XRCC4: variants seen among roughly 807,000 people sequenced by gnomAD.
XRCC4 encodes the protein DNA repair protein XRCC4.
In XRCC4, 28 loss-of-function variants were observed where a neutral mutation model predicts 39.1. The ratio of observed to expected loss-of-function variants is 0.72; its 90% CI spans 0.53 to 0.98. XRCC4 has a LOEUF of 0.98. Among genes scored for constraint, XRCC4 ranks in the 50% least tolerant of loss-of-function variants. The probability of loss-of-function intolerance (pLI) is 0.00; values close to 1 mark genes in which losing one functional copy is unlikely to be tolerated. For synonymous variants in XRCC4, 123 were observed against 126.4 expected (o/e 0.97, Z 0.18); for missense variants, 350 against 376.4 (o/e 0.93, Z 0.58).
chr5:83,244,305 G>A (rs939850973), intron 6 of XRCC4, among the ~76,000 whole-genome samples: 11 of 152,136 alleles, frequency 7.2e-5, no homozygotes, highest in Admixed American at 2.6e-4. Context: ...AGATCATTGA[G>A]TTTTGTTCTG....
At chr5:83,318,021 T>A (rs1426073074) in intron 7 of XRCC4, among the ~76,000 whole-genome samples, 1 of 130,210 alleles carries the variant, frequency 7.7e-6, no homozygotes. Context: ...CAAGTGGGCT[T>A]CATCCCTGGG....
At chr5:83,241,534 A>G (rs994325491) in intron 6 of XRCC4, among the ~76,000 whole-genome samples, 13 of 152,100 alleles carry the variant, frequency 8.5e-5, no homozygotes, top group Non-Finnish European at 1.6e-4. Context: ...CAAAAGTGTC[A>G]TATACTCTAG....
At chr5:83,170,520 C>G (rs998757239) in intron 3 of XRCC4, among the ~76,000 whole-genome samples, 12 of 152,158 alleles carry the variant, frequency 7.9e-5, no homozygotes, top group African/African-American at 2.9e-4. Flanking sequence ...GGCTCCGGTT[C>G]TCTTCCAAGC....
At chr5:83,217,000 TA>T (rs535197147) in intron 6 of XRCC4, among the ~76,000 whole-genome samples, 403 of 146,314 alleles carry the variant, frequency 2.8e-3, no homozygotes, top group Non-Finnish European at 4.4e-3. Context: ...AGTTTCTTTC[TA>T]AAAAAAAAAA....
chr5:83,350,111 G>A (rs532159506), intron 7 of XRCC4, among the ~76,000 whole-genome samples: 1 of 152,136 alleles, frequency 6.6e-6, no homozygotes, highest in African/African-American at 2.4e-5. Context: ...TTTGGTGGCT[G>A]TGTAGTATTC....
At chr5:83,298,630 C>G (rs1272268226) in intron 7 of XRCC4, among the ~76,000 whole-genome samples, 1 of 151,828 alleles carries the variant, frequency 6.6e-6, no homozygotes, top group Non-Finnish European at 1.5e-5. Flanking sequence ...AGAAATCTCT[C>G]TGGCATAGTA....
intron 7 of XRCC4, among the ~76,000 whole-genome samples, chr5:83,302,070 G>T (rs1409467503): frequency 6.6e-6 from 1 of 152,106 alleles, no homozygotes; most frequent in Non-Finnish European, 1.5e-5. Context: ...TACTAAGCTC[G>T]AGCGTCCCAG....
At chr5:83,135,619 C>T (rs529178678) in intron 3 of XRCC4, among the ~76,000 whole-genome samples, 8 of 152,132 alleles carry the variant, frequency 5.3e-5, no homozygotes, top group African/African-American at 1.9e-4. Flanking sequence ...TGCCCCCTGC[C>T]ACCATTTTTT....
intron 7 of XRCC4, among the ~76,000 whole-genome samples, chr5:83,314,688 T>C (rs558090103): frequency 2.6e-5 from 4 of 152,176 alleles, no homozygotes; most frequent in East Asian, 3.9e-4. Context: ...ATATCTGTTA[T>C]GGTTATCTGT....
chr5:83,335,992 T>A (rs921282470), intron 7 of XRCC4, among the ~76,000 whole-genome samples: 16 of 152,062 alleles, frequency 1.1e-4, no homozygotes, highest in African/African-American at 3.6e-4. Flanking sequence ...AGATGAGTTT[T>A]TTTTAATTGT....
intron 6 of XRCC4, among the ~76,000 whole-genome samples, chr5:83,236,905 A>G (rs372858831): frequency 6.6e-6 from 1 of 152,276 alleles, no homozygotes; most frequent in African/African-American, 2.4e-5. Flanking sequence ...CAGGTAAAAG[A>G]TCTGAATAGC....
At chr5:83,274,467 G>A (rs1186096329) in intron 7 of XRCC4, among the ~76,000 whole-genome samples, 1 of 152,112 alleles carries the variant, frequency 6.6e-6, no homozygotes, top group African/African-American at 2.4e-5. Context: ...AGTGACTTAG[G>A]CACAGAGGAT....
At chr5:83,125,458 A>G (rs377604213) in intron 3 of XRCC4, among the ~76,000 whole-genome samples, 3 of 152,288 alleles carry the variant, frequency 2.0e-5, no homozygotes, top group South Asian at 4.1e-4. Context: ...TCCTTTTTGT[A>G]TAAAGTATGA....
In XRCC4 at chr5:83,111,260, A is replaced by T; in HGVS notation, c.315+57A>T. ...AAAATGTCAGAGCATTTATTGAGGA[A>T]TTATATTTAAATTTAAGTGACTACT... On this transcript the variant is annotated intron_variant, in intron 3 of 7. Coordinates refer to ENST00000396027, the MANE Select transcript of XRCC4 (RefSeq NM_003401.5). 3.6e-6 allele frequency: 5 copies of T among 1,396,372 alleles called. No homozygotes were observed. The South Asian group carries it at 5.9e-5, about 16-fold the overall frequency. The allele number at this position is 1,396,372 out of a possible 1,614,324, so 86.5% of individuals were successfully genotyped here.
At chr5:83,262,559 A>G (rs1002339688) in intron 7 of XRCC4, among the ~76,000 whole-genome samples, 1 of 152,096 alleles carries the variant, frequency 6.6e-6, no homozygotes. Context: ...GAGACTTCAG[A>G]ACAAATATAA....
chr5:83,082,413 G>T (rs988890823), intron 1 of XRCC4, among the ~76,000 whole-genome samples: 1 of 152,154 alleles, frequency 6.6e-6, no homozygotes, highest in Non-Finnish European at 1.5e-5. Context: ...TTTGATAAAT[G>T]CACCGTGGTA....
At chr5:83,154,406 G>C (rs1181521102) in intron 3 of XRCC4, among the ~76,000 whole-genome samples, 1 of 152,148 alleles carries the variant, frequency 6.6e-6, no homozygotes, top group South Asian at 2.1e-4. Context: ...GAGCATTTCA[G>C]ATTTCATTTT....
At position 83,090,985 on chromosome 5, in the gene XRCC4, A is replaced by G. The variant is rs376963786; in HGVS notation, c.-11+13370A>G. ...GAATGGTTAAATTAAGCTAATTAAC[A>G]TATCTATCCCCTGAAGTATTTAACA... is the stretch of plus-strand genomic sequence containing the variant. On this transcript the variant is annotated intron_variant, in intron 1 of 7. Transcript: ENST00000396027. Among the ~76,000 whole-genome samples the G allele has an allele frequency of 2.0e-5, 3 of 152,220 alleles. No individual in the cohort carries two copies. In the East Asian group the frequency reaches 5.8e-4, roughly 29 times the overall value.
intron 3 of XRCC4, among the ~76,000 whole-genome samples, chr5:83,116,863 C>G (rs758045604): frequency 6.6e-6 from 1 of 152,098 alleles, no homozygotes; most frequent in South Asian, 2.1e-4. Context: ...CTCAAGTGAT[C>G]TGCCTGCCTC....
Sources: gnomAD v4.1 joint callset for allele counts (sites outside exome capture counted in the v4.1 genomes callset) on GRCh38, gnomAD v4.1.1 for gene constraint, MANE v1.5 for transcripts, NCBI Gene and HGNC (gene_info 2026-07-23, HGNC 2026-07-21) for gene names.